Variants in GABRP observed in about 807,000 individuals in gnomAD.
GABRP encodes the protein gamma-aminobutyric acid receptor subunit pi.
GABRP carries 52 observed loss-of-function variants against 47.8 expected under a neutral mutation model. The observed-to-expected ratio is 1.09, with a 90% CI of 0.87 to 1.37. The LOEUF (loss-of-function observed/expected upper bound fraction) is 1.37, where lower values mean the gene tolerates loss of function less well. Ranked by LOEUF, GABRP falls within the 40% of genes most tolerant of loss-of-function variation. The pLI is 0.00. For missense variants in GABRP, 525 were observed against 542.8 expected, an observed-to-expected ratio of 0.97 and a Z score of 0.33; for synonymous variants, 221 against 205.8, an observed-to-expected ratio of 1.07 and a Z score of -0.63.
In GABRP at chr5:170,795,208, G is replaced by C; in HGVS notation, c.241G>C (p.Asp81His). 6.2e-7 allele frequency: 1 copy of C among 1,611,758 alleles called. No individual in the cohort carries two copies. The change falls in exon 5 of 10, where the codon GAC (aspartate) becomes CAC (histidine). Residue 81 changes from aspartate to histidine, a missense_variant and splice_region_variant. Coordinates refer to ENST00000265294, the MANE Select transcript of GABRP (RefSeq NM_014211.3). ...SISSISESNM[D>H]YTATIYLRQR... ...TCCATACCCTGCCTCCCCCTCCCAG[G>C]ACTACACAGCCACCATATACCTCCG...
chr5:170,797,933 G>A lies in GABRP; in HGVS notation c.541+385G>A, dbSNP rs542997443. On this transcript the variant is annotated intron_variant, in intron 6 of 9. Coordinates refer to ENST00000265294, the MANE Select transcript of GABRP (RefSeq NM_014211.3). ...AGTCGTGCCCATGTACTTACACACC[G>A]TCTGTGGCTACTTCTGTACTGCAGT... Among the ~76,000 whole-genome samples, 9 of 152,372 alleles carry A rather than the reference G, an allele frequency of 5.9e-5. No homozygotes were observed. In the South Asian group the frequency reaches 1.7e-3, roughly 28 times the overall value.
At chr5:170,810,467 G>A (rs1010393134) in intron 9 of GABRP, among the ~76,000 whole-genome samples, 1 of 152,108 alleles carries the variant, frequency 6.6e-6, no homozygotes, top group Admixed American at 6.5e-5. Flanking sequence ...ATACTAAGAG[G>A]TAGAGCTGGG....
chr5:170,795,171 C>T (rs903769000), intron 4 of GABRP, 37 bp from the exon 5 acceptor site: 2 of 1,468,448 alleles, frequency 1.4e-6, no homozygotes, highest in African/African-American at 1.4e-5. Flanking sequence ...TCACCCACTA[C>T]CCCCATCCAT....
chr5:170,789,233 G>A lies in GABRP; in HGVS notation c.158G>A (p.Arg53Lys). The A allele has an allele frequency of 6.2e-7, 1 of 1,613,118 alleles. No individual in the cohort carries two copies. The highest frequency in any genetic ancestry group is 2.2e-5 in the East Asian group (1 of 44,868). Residue 53 changes from arginine to lysine, a missense_variant, in exon 3 of 10, where the codon AGG becomes AAG. By Grantham distance (26) the Arg-to-Lys change is conservative (BLOSUM62 2). Coordinates refer to ENST00000265294, the MANE Select transcript of GABRP (RefSeq NM_014211.3). ...ACAGCAGGATATAACAAATTTCTCAGGCCCAATTTTGGTGGTAGGTCATCC... is the reference window on the plus strand; with the variant it reads ...ACAGCAGGATATAACAAATTTCTCAAGCCCAATTTTGGTGGTAGGTCATCC... ...NLTAGYNKFL[R>K]PNFGGEPVQI...
chr5:170,812,099 C>A lies in GABRP; in HGVS notation c.1164C>A (p.Ser388Arg), dbSNP rs144718144. ...ACAGTGACTTGACAATGAAAACCAG[C>A]GACAAGTTCAAGTTTGTCTTCCGAG... ...VDYSDLTMKT[S>R]DKFKFVFREK... The change falls in exon 10 of 10, where the codon AGC becomes AGA. Residue 388 changes from serine (S) to arginine (R), a missense_variant. Ser to Arg is a moderately radical substitution (Grantham distance 110). Transcript: ENST00000265294. The A allele has an allele frequency of 2.5e-6, 4 of 1,613,998 alleles. No homozygotes were observed. In the African/African-American group the frequency reaches 4.0e-5, roughly 16 times the overall value.
chr5:170,788,735 G>A, intron 2 of GABRP, 67 bp downstream of exon 2: 8 of 1,476,438 alleles, frequency 5.4e-6, no homozygotes, highest in Non-Finnish European at 7.6e-6. Context: ...GTGGTGGGAG[G>A]GGGCAGCTCC....
At chr5:170,795,047 C>T (rs1765387035) in intron 4 of GABRP, among the ~76,000 whole-genome samples, 161 bp from the exon 5 acceptor site, 1 of 147,198 alleles carries the variant, frequency 6.8e-6, no homozygotes, top group Non-Finnish European at 1.5e-5. Flanking sequence ...GGGGTAGTGG[C>T]ATATTGCAAT....
At chr5:170,788,376 A>AC (rs1765178843) in intron 1 of GABRP, 198 bp from the exon 2 acceptor site, 1 of 420,900 alleles carries the variant, frequency 2.4e-6, no homozygotes, top group African/African-American at 2.1e-5. Flanking sequence ...AAAAAAAAAA[A>AC]AACATAATCC....
intron 9 of GABRP, 105 bp from the exon 10 acceptor site, chr5:170,811,851 T>G: frequency 9.5e-7 from 1 of 1,057,292 alleles, no homozygotes; most frequent in South Asian, 1.5e-5. Flanking sequence ...CTATTAAGCC[T>G]AATTATTCAA....
In GABRP at chr5:170,805,788, T is replaced by C. The variant is rs1765717808; in HGVS notation, c.614T>C (p.Leu205Pro). 1.2e-6 allele frequency: 2 copies of C among 1,614,090 alleles called. No homozygotes were observed. The highest frequency in any genetic ancestry group is 2.2e-5 in the East Asian group (1 of 44,904). The change falls in exon 7 of 10, where the codon CTG (leucine) becomes CCG (proline). Residue 205 changes from leucine to proline, a missense_variant. By Grantham distance (98) the Leu-to-Pro change is moderately conservative. Coordinates refer to ENST00000265294, the MANE Select transcript of GABRP (RefSeq NM_014211.3). ...GACTCTGTGCGTGGACTGGAACACC[T>C]GCGGCTTGCTCAGTACACCATAGAG... Reference protein sequence around the residue: ...GNDSVRGLEHLRLAQYTIERY... With the variant: ...GNDSVRGLEHPRLAQYTIERY...
intron 3 of GABRP, among the ~76,000 whole-genome samples, chr5:170,793,676 T>TA (rs1765340890): frequency 6.6e-6 from 1 of 152,208 alleles, no homozygotes; most frequent in African/African-American, 2.4e-5. Context: ...ATTAGTTCCT[T>TA]ACAAATGCCA....
At chr5:170,790,902 T>C (rs1007727460) in intron 3 of GABRP, among the ~76,000 whole-genome samples, 5 of 152,082 alleles carry the variant, frequency 3.3e-5, no homozygotes, top group Non-Finnish European at 7.4e-5. Flanking sequence ...CCTGCTCAGT[T>C]GGAGATGGGA....
At position 170,805,763 on chromosome 5, in the gene GABRP, G is replaced by T. The variant is rs751400203; in HGVS notation, c.589G>T (p.Asp197Tyr). The change falls in exon 7 of 10, where the codon GAC (aspartate) becomes TAC (tyrosine). Residue 197 changes from aspartate to tyrosine, a missense_variant. Physicochemically the swap from Asp to Tyr is radical, Grantham distance 160 (BLOSUM62 -3). Coordinates refer to ENST00000265294, the MANE Select transcript of GABRP (RefSeq NM_014211.3). ...GGAGTTCACCTGGCTGAGAGGGAAC[G>T]ACTCTGTGCGTGGACTGGAACACCT... ...DVEFTWLRGN[D>Y]SVRGLEHLRL... 1.2e-6 allele frequency: 2 copies of T among 1,614,160 alleles called. No individual in the cohort carries two copies. Among genetic ancestry groups the T allele is most frequent in the Non-Finnish European group, 8.5e-7 (1 of 1,180,018 alleles).
chr5:170,789,020 C>A, intron 2 of GABRP, 109 bp from the exon 3 acceptor site: 1 of 805,544 alleles, frequency 1.2e-6, no homozygotes, highest in Non-Finnish European at 2.1e-6. Flanking sequence ...GGTACATGGG[C>A]AAGGCACATA....
intron 4 of GABRP, 42 bp from the exon 5 acceptor site, chr5:170,795,166 C>G: frequency 1.4e-6 from 2 of 1,430,656 alleles, no homozygotes; most frequent in South Asian, 2.3e-5. Context: ...TTTTCTCACC[C>G]ACTACCCCCA....
intron 6 of GABRP, 142 bp from the exon 7 acceptor site, chr5:170,805,574 C>T (rs1271881670): frequency 8.7e-6 from 8 of 924,314 alleles, no homozygotes; most frequent in Non-Finnish European, 1.1e-5. Context: ...GGAAATCTTG[C>T]TAAGTTCTGC....
chr5:170,795,514 A>G (rs1439188420), intron 5 of GABRP, 89 bp downstream of exon 5: 3 of 1,034,374 alleles, frequency 2.9e-6, no homozygotes, highest in Non-Finnish European at 4.5e-6. Context: ...ACCAGAACTC[A>G]AATAGCCACT....
chr5:170,797,016 A>C (rs937443005), intron 5 of GABRP, among the ~76,000 whole-genome samples: 9 of 152,192 alleles, frequency 5.9e-5, no homozygotes, highest in Admixed American at 2.0e-4. Context: ...TGAGAAGAGC[A>C]CAGCCAGGAG....
rs568553510 is a variant in GABRP at position 170,809,025 on chromosome 5, C to T, written c.832+273C>T. On this transcript the variant is annotated intron_variant, in intron 8 of 9. Transcript: ENST00000265294. Reference sequence around the variant, plus strand: ...GATCTCGGCTCACTGCAACCTCTGCCTTCCAGGTTCAAGTGACTCTCCTGC... The same window carrying T: ...GATCTCGGCTCACTGCAACCTCTGCTTTCCAGGTTCAAGTGACTCTCCTGC... Among the ~76,000 whole-genome samples, 60 of 152,226 alleles carry T rather than the reference C, an allele frequency of 3.9e-4. 1 individual carries two copies. In the South Asian group the frequency reaches 0.012, roughly 30 times the overall value.
Sources: gnomAD v4.1 joint callset for allele counts (sites outside exome capture counted in the v4.1 genomes callset) on GRCh38, gnomAD v4.1.1 for gene constraint, MANE v1.5 for transcripts, NCBI Gene and HGNC (gene_info 2026-07-23, HGNC 2026-07-21) for gene names.